Variants in PCDHGA8 observed in about 807,000 individuals in gnomAD.
The protein encoded by PCDHGA8 is protocadherin gamma-A8.
In PCDHGA8, 45 loss-of-function variants were observed where a neutral mutation model predicts 59.2. The observed-to-expected ratio is 0.76, with a 90% confidence interval of 0.60 to 0.98. The LOEUF (loss-of-function observed/expected upper bound fraction) is 0.98, where lower values mean the gene tolerates loss of function less well. Ranked by LOEUF, PCDHGA8 falls within the 50% of genes least tolerant of loss-of-function variation. The pLI is 0.00. For missense variants in PCDHGA8, 1,257 were observed against 1,196.2 expected, an observed-to-expected ratio of 1.05 and a Z score of -0.75; for synonymous variants, 531 against 519.0, an observed-to-expected ratio of 1.02 and a Z score of -0.32.
rs114847835 is a variant in PCDHGA8, at chr5:141,486,500, C to T, written c.2425-8307C>T. The T allele has an allele frequency of 6.2e-6, 10 of 1,614,008 alleles. No homozygotes were observed. The East Asian group carries it at 1.8e-4, about 29-fold the overall frequency. On this transcript the variant is annotated intron_variant, in intron 1 of 3. Coordinates refer to ENST00000398604, the MANE Select transcript of PCDHGA8 (RefSeq NM_032088.2). This position sits in a 1 kb window ranked among gnomAD's most constrained non-coding sequence, Gnocchi z 5.0. ...TCTCAGTACCCACAGAACTATTTTCCTCAATATTTCAGATGTGAATGATAA... is the reference window on the plus strand; with the variant it reads ...TCTCAGTACCCACAGAACTATTTTCTTCAATATTTCAGATGTGAATGATAA...
intron 2 of PCDHGA8, among the ~76,000 whole-genome samples, chr5:141,504,059 T>C (rs1179226175): frequency 6.6e-6 from 1 of 152,184 alleles, no homozygotes; most frequent in Admixed American, 6.6e-5. Flanking sequence ...ATTGAAAAAC[T>C]TCTCTGAGCC....
intron 1 of PCDHGA8, chr5:141,409,250 A>G: frequency 6.2e-7 from 1 of 1,614,024 alleles, no homozygotes; most frequent in Non-Finnish European, 8.5e-7. Flanking sequence ...AATAATCATC[A>G]CTTCTCTCTC....
At chr5:141,478,256 A>G in intron 1 of PCDHGA8, 6 of 1,614,126 alleles carry the variant, frequency 3.7e-6, no homozygotes, top group Non-Finnish European at 5.1e-6. Flanking sequence ...CGGAGTAATC[A>G]TATTCAAAGT....
At chr5:141,409,618 G>T (rs374484255) in intron 1 of PCDHGA8, 77 of 1,613,776 alleles carry the variant, frequency 4.8e-5, no homozygotes, top group Non-Finnish European at 6.3e-5. Context: ...CCTCCATTGC[G>T]CAAGTGAGCG....
chr5:141,428,233 C>A, intron 1 of PCDHGA8: 1 of 1,049,106 alleles, frequency 9.5e-7, no homozygotes, highest in Non-Finnish European at 1.4e-6. Context: ...AGACAGCCTG[C>A]AGGAGGCACT....
At chr5:141,412,367 A>C (rs1055060515) in intron 1 of PCDHGA8, 3 of 152,264 alleles carry the variant, frequency 2.0e-5, no homozygotes, top group Admixed American at 6.5e-5. Flanking sequence ...TTACCTGCTT[A>C]ATCATTTAAA....
rs1026854698 is a variant in PCDHGA8 at position 141,393,480 on chromosome 5, T to A, written c.667T>A (p.Ser223Thr). The change falls in exon 1 of 4, where the codon TCT (serine) becomes ACT (threonine). Residue 223 changes from serine (S) to threonine (T), a missense_variant. By Grantham distance (58) the Ser-to-Thr change is moderately conservative. Coordinates refer to ENST00000398604, the MANE Select transcript of PCDHGA8 (RefSeq NM_032088.2). The stretch of plus-strand genomic sequence containing the variant: ...CTCGGATGGCGGCAAGCCGCCTCGC[T>A]CTAGCACAGTGCGCATCCACGTGAC... ...TASDGGKPPR[S>T]STVRIHVTVL... 6.2e-7 allele frequency: 1 copy of A among 1,614,062 alleles called. No individual in the cohort carries two copies. Among genetic ancestry groups the A allele is most frequent in the Non-Finnish European group, 8.5e-7 (1 of 1,179,906 alleles).
intron 1 of PCDHGA8, chr5:141,412,160 G>T (rs952899384): frequency 2.0e-5 from 3 of 152,212 alleles, no homozygotes; most frequent in Middle Eastern, 3.2e-3. Flanking sequence ...TAAGAGAAGA[G>T]ATTATTTATA....
intron 1 of PCDHGA8, chr5:141,439,735 G>A (rs1317592646): frequency 1.3e-5 from 2 of 152,360 alleles, no homozygotes; most frequent in Non-Finnish European, 2.9e-5. Flanking sequence ...AGCAGGAACG[G>A]AACGGATTTA....
At position 141,405,389 on chromosome 5, in the gene PCDHGA8, T is replaced by C. The variant is rs577174600; in HGVS notation, c.2424+10152T>C. ...CCCTTTGGTTCCGGTGAGTTCATTT[T>C]TTTTCTTTCTTTCTTTTCTTTTTTT... On this transcript the variant is annotated intron_variant, in intron 1 of 3. Transcript: ENST00000398604. The C allele has an allele frequency of 2.5e-6, 4 of 1,600,534 alleles. No individual in the cohort carries two copies. The East Asian group carries it at 6.7e-5, about 27-fold the overall frequency.
At chr5:141,402,935 T>G in intron 1 of PCDHGA8, 1 of 1,587,712 alleles carries the variant, frequency 6.3e-7, no homozygotes, top group Non-Finnish European at 8.6e-7. Context: ...TTTGAGAAAA[T>G]TCCAAAGCGA....
chr5:141,472,263 C>T (rs978647191), intron 1 of PCDHGA8, among the ~76,000 whole-genome samples: 7 of 152,144 alleles, frequency 4.6e-5, no homozygotes, highest in South Asian at 2.1e-4. Flanking sequence ...ATATTATAGC[C>T]GGGCACAGTG....
chr5:141,431,002 C>A lies in PCDHGA8; in HGVS notation c.2424+35765C>A, dbSNP rs1055964066. The A allele has an allele frequency of 6.2e-7, 1 of 1,613,836 alleles. No individual in the cohort carries two copies. Among genetic ancestry groups the A allele is most frequent in the Admixed American group, 1.7e-5 (1 of 59,990 alleles). The stretch of plus-strand genomic sequence containing the variant: ...AGCTTTTCGCCCTGAATCCGCGCAG[C>A]GGCAGCTTGGTCACGGCGGGCAGGA... On this transcript the variant is annotated intron_variant, in intron 1 of 3. Transcript: ENST00000398604. The surrounding 1 kb of genome is among the most constrained non-coding windows in gnomAD (Gnocchi z 4.8).
intron 1 of PCDHGA8, chr5:141,418,256 T>C: frequency 1.2e-6 from 2 of 1,614,046 alleles, no homozygotes; most frequent in Non-Finnish European, 1.7e-6. Context: ...CGCCCCTCAA[T>C]TCCGGAAAGA....
chr5:141,475,343 G>A (rs1425482944), intron 1 of PCDHGA8, among the ~76,000 whole-genome samples: 1 of 152,178 alleles, frequency 6.6e-6, no homozygotes, highest in Non-Finnish European at 1.5e-5. Flanking sequence ...ATGACATCCA[G>A]TTTTAAAAGA....
At chr5:141,427,683 G>C in intron 1 of PCDHGA8, 1 of 836,052 alleles carries the variant, frequency 1.2e-6, no homozygotes. Flanking sequence ...CCTTCCCGGA[G>C]CCTCCATCCC....
intron 1 of PCDHGA8, among the ~76,000 whole-genome samples, chr5:141,443,521 T>A (rs2098392520): frequency 6.6e-6 from 1 of 152,156 alleles, no homozygotes; most frequent in Admixed American, 6.6e-5. Context: ...TCTCTCCTTA[T>A]GACTTATTTA....
chr5:141,471,196 C>T (rs59385734), intron 1 of PCDHGA8: 16,293 of 151,632 alleles, frequency 0.11, 894 homozygotes, highest in South Asian at 0.15. Context: ...ATTACAGGCA[C>T]CCACCCCCAT....
At chr5:141,414,288 C>T (rs368826232) in intron 1 of PCDHGA8, 40 of 1,613,502 alleles carry the variant, frequency 2.5e-5, no homozygotes, top group South Asian at 4.4e-5. Context: ...CAGTCGTAGC[C>T]CTTTTAAATG....
Sources: allele counts gnomAD v4.1 joint callset (sites outside exome capture counted in the v4.1 genomes callset), GRCh38; gene constraint gnomAD v4.1.1; non-coding constraint Gnocchi (gnomAD v3.1); transcripts MANE v1.5; gene names NCBI Gene and HGNC (gene_info 2026-07-23, HGNC 2026-07-21).